The following SCAI variants were observed in gnomAD, a reference collection of about 807,000 sequenced individuals.
SCAI encodes suppressor of cancer cell invasion.
SCAI carries 24 observed loss-of-function variants against 92.2 expected under a neutral mutation model. The ratio of observed to expected loss-of-function variants is 0.26; its 90% confidence interval spans 0.19 to 0.37. SCAI has a LOEUF of 0.37. Among genes scored for constraint, SCAI ranks in the 10% least tolerant of loss-of-function variants. The pLI is 1.00. For missense variants in SCAI, 450 were observed against 736.2 expected (o/e 0.61, Z 4.50); for synonymous variants, 261 against 258.6 (o/e 1.01, Z -0.09).
intron 5 of SCAI, among the ~76,000 whole-genome samples, chr9:125,027,665 C>T (rs1832990466): frequency 6.6e-6 from 1 of 151,300 alleles, no homozygotes; most frequent in Admixed American, 6.6e-5. Flanking sequence ...GGATTACAGG[C>T]ACCTGCCACC....
At chr9:125,009,524 G>A (rs1209858164) in intron 9 of SCAI, among the ~76,000 whole-genome samples, 1 of 151,918 alleles carries the variant, frequency 6.6e-6, no homozygotes, top group Non-Finnish European at 1.5e-5. Flanking sequence ...GCCCCACTTT[G>A]CCTCCCAAAG....
At chr9:125,061,321 T>A (rs1317415282) in intron 2 of SCAI, among the ~76,000 whole-genome samples, 1 of 152,070 alleles carries the variant, frequency 6.6e-6, no homozygotes, top group Non-Finnish European at 1.5e-5. Context: ...CCTTAAGGGC[T>A]AAACCCATGT....
chr9:125,023,067 A>G (rs754975766), intron 6 of SCAI, among the ~76,000 whole-genome samples: 1 of 152,146 alleles, frequency 6.6e-6, no homozygotes, highest in Non-Finnish European at 1.5e-5. Flanking sequence ...CTTCTTTCAT[A>G]TTATTGTTAT....
Position 125,093,567 on chromosome 9 carries a change from CT to C in SCAI, c.99-37561del, listed in dbSNP as rs761646048. Among the ~76,000 whole-genome samples the C allele has an allele frequency of 6.9e-3, 941 of 137,122 alleles. 2 individuals are homozygous for C. The highest frequency in any genetic ancestry group is 0.01 in the African/African-American group (379 of 37,114). 90.0% of individuals were successfully genotyped at this position (137,122 alleles called of 152,430 possible). A position where few individuals can be genotyped will look rare whatever the true frequency, so the allele number is the denominator to read the frequency against. ...ACCAACTGGACACTGATGACACCTC[CT>C]TTTTTTTTTTTTTTTGAGACAGGGT... On this transcript the variant is annotated intron_variant, in intron 2 of 17. Transcript: ENST00000336505.
intron 2 of SCAI, among the ~76,000 whole-genome samples, chr9:125,139,456 A>G (rs1352343059): frequency 6.6e-6 from 1 of 152,086 alleles, no homozygotes; most frequent in Admixed American, 6.5e-5. Flanking sequence ...AAAACAAAAA[A>G]CCAAAGCAAA....
In SCAI at chr9:124,999,919, G is replaced by A; in HGVS notation, c.1216C>T (p.Arg406Ter). 2 of 1,590,034 alleles carry A rather than the reference G, an allele frequency of 1.3e-6. No individual in the cohort carries two copies. Among genetic ancestry groups the A allele is most frequent in the Non-Finnish European group, 1.7e-6 (2 of 1,163,290 alleles). The stretch of plus-strand genomic sequence containing the variant: ...TGCATTTCCTTGTGGGACTGATTTC[G>A]TTTGTGGATGGCATCTCCATTAATA... The part of the protein sequence containing the change: ...DIINGDAIHK[R>*]NQSHKEMHCL... Residue 406 changes from arginine to a stop codon, truncating the protein, a stop_gained, in exon 13 of 18, where the codon CGA (arginine) becomes TGA (stop). Transcript: ENST00000336505. LOFTEE classifies it high-confidence loss of function.
At position 125,138,449 on chromosome 9, in the gene SCAI, C is replaced by T. The variant is rs1835589811; in HGVS notation, c.98+4184G>A. ...TTTTTTTTTTTGAGGCGGAGTCTCG[C>T]TGTCGCCCAGGCTGGAGTGCAGTGG... is the stretch of plus-strand genomic sequence containing the variant. On this transcript the variant is annotated intron_variant, in intron 2 of 17. Coordinates refer to ENST00000336505, the MANE Select transcript of SCAI (RefSeq NM_001144877.3). 2.0e-5 allele frequency among the ~76,000 whole-genome samples: 3 copies of T among 151,314 alleles called. No homozygotes were observed. In the South Asian group the frequency reaches 6.3e-4, roughly 32 times the overall value.
intron 14 of SCAI, among the ~76,000 whole-genome samples, chr9:124,982,419 C>T (rs1475752189): frequency 2.0e-5 from 3 of 152,008 alleles, no homozygotes; most frequent in African/African-American, 4.8e-5. Flanking sequence ...CGTCTGTAAT[C>T]GCAGCATTTT....
chr9:125,130,549 C>T (rs1444241646), intron 2 of SCAI, among the ~76,000 whole-genome samples: 1 of 151,830 alleles, frequency 6.6e-6, no homozygotes, highest in Non-Finnish European at 1.5e-5. Context: ...GAGTCTGGCT[C>T]TGTTGCCAGG....
In SCAI at chr9:124,950,438, G is replaced by T. The variant is rs1441099489; in HGVS notation, c.*2369C>A. ...CAGACCAGTGTTCTTTATGCTTAACGGGGGAGGATAAAGCTCAGAACAGTA... is the reference window on the plus strand; with the variant it reads ...CAGACCAGTGTTCTTTATGCTTAACTGGGGAGGATAAAGCTCAGAACAGTA... On this transcript the variant is annotated 3_prime_UTR_variant, in exon 18 of 18. Coordinates refer to ENST00000336505, the MANE Select transcript of SCAI (RefSeq NM_001144877.3). 1 of 152,086 alleles carries T rather than the reference G, an allele frequency of 6.6e-6. No individual in the cohort carries two copies. The highest frequency in any genetic ancestry group is 2.4e-5 in the African/African-American group (1 of 41,404). The allele number at this position is 152,086 out of a possible 1,614,324, so 9.4% of individuals were successfully genotyped here.
At chr9:125,125,151 G>A (rs1490940019) in intron 2 of SCAI, among the ~76,000 whole-genome samples, 1 of 152,172 alleles carries the variant, frequency 6.6e-6, no homozygotes, top group African/African-American at 2.4e-5. Context: ...AATCCGGGAG[G>A]TGGAAGTTGC....
At chr9:124,984,005 T>C (rs1056164878) in intron 14 of SCAI, among the ~76,000 whole-genome samples, 1 of 152,176 alleles carries the variant, frequency 6.6e-6, no homozygotes, top group Non-Finnish European at 1.5e-5. Flanking sequence ...AAGTTAACTG[T>C]TATGATTATT....
intron 2 of SCAI, among the ~76,000 whole-genome samples, chr9:125,108,607 TCTGAGAAGTGAGGAGCCCCTCCGCCCG>T (rs1834863804): frequency 7.0e-6 from 1 of 142,592 alleles, no homozygotes; most frequent in African/African-American, 2.7e-5. Flanking sequence ...AGCCGCCCCG[TCTGAGAAGTGAGGAGCCCCTCCGCCCG>T]GCAGCCGCCC....
intron 2 of SCAI, among the ~76,000 whole-genome samples, chr9:125,136,667 G>T (rs1369504346): frequency 5.3e-5 from 8 of 151,200 alleles, no homozygotes; most frequent in Admixed American, 5.3e-4. Context: ...CGCTACATTG[G>T]CCAGACTGGT....
intron 2 of SCAI, among the ~76,000 whole-genome samples, chr9:125,064,370 CAAAT>C (rs1416022150): frequency 6.6e-6 from 1 of 152,040 alleles, no homozygotes; most frequent in Non-Finnish European, 1.5e-5. Flanking sequence ...TGCCGTGGTT[CAAAT>C]AAATAAATTA....
intron 2 of SCAI, among the ~76,000 whole-genome samples, chr9:125,113,538 A>T (rs1001832565): frequency 6.6e-6 from 1 of 152,180 alleles, no homozygotes; most frequent in African/African-American, 2.4e-5. Flanking sequence ...AAAAATTATG[A>T]ATTTCAGTTA....
intron 9 of SCAI, among the ~76,000 whole-genome samples, chr9:125,015,749 T>A (rs1007942785): frequency 1.3e-5 from 2 of 152,242 alleles, no homozygotes; most frequent in Admixed American, 1.3e-4. Context: ...ACTGCAGCAC[T>A]ATTCACAATA....
intron 3 of SCAI, among the ~76,000 whole-genome samples, chr9:125,036,603 T>A (rs900766192): frequency 2.6e-5 from 4 of 152,220 alleles, no homozygotes; most frequent in Non-Finnish European, 5.9e-5. Context: ...TCATGTTTTT[T>A]AAATTATGAG....
At chr9:125,081,034 T>G (rs1480310018) in intron 2 of SCAI, among the ~76,000 whole-genome samples, 1 of 152,244 alleles carries the variant, frequency 6.6e-6, no homozygotes, top group Non-Finnish European at 1.5e-5. Context: ...TTGCTCCTCC[T>G]TGCCTTCTGT....
Sources: gnomAD v4.1 joint callset for allele counts (sites outside exome capture counted in the v4.1 genomes callset) on GRCh38, gnomAD v4.1.1 for gene constraint, MANE v1.5 for transcripts, NCBI Gene and HGNC (gene_info 2026-07-23, HGNC 2026-07-21) for gene names.